MLIP: variants seen among roughly 807,000 people sequenced by gnomAD.
MLIP encodes muscular LMNA-interacting protein.
In MLIP, 79 loss-of-function variants were observed where a neutral mutation model predicts 84.8. The observed-to-expected ratio is 0.93, with a 90% CI of 0.78 to 1.12. MLIP has a LOEUF of 1.12. MLIP is among the 50% of genes most tolerant of loss of function. MLIP has a pLI of 0.00. For synonymous variants in MLIP, 504 were observed against 463.0 expected (o/e 1.09, Z -1.14); for missense variants, 1,257 against 1,160.6 (o/e 1.08, Z -1.21).
At chr6:54,071,396 T>C (rs1766479152) in intron 1 of MLIP, among the ~76,000 whole-genome samples, 1 of 152,124 alleles carries the variant, frequency 6.6e-6, no homozygotes, top group Non-Finnish European at 1.5e-5. Flanking sequence ...TTCAAAAACT[T>C]CCTAAAGAAT....
chr6:54,057,368 C>A (rs1440611027), intron 1 of MLIP, among the ~76,000 whole-genome samples: 1 of 152,162 alleles, frequency 6.6e-6, no homozygotes, highest in Non-Finnish European at 1.5e-5. Context: ...CAAAAATAAA[C>A]CAAACTTGTC....
At chr6:54,234,343 C>T (rs1270412295) in intron 12 of MLIP, among the ~76,000 whole-genome samples, 5 of 151,912 alleles carry the variant, frequency 3.3e-5, no homozygotes, top group Non-Finnish European at 5.9e-5. Context: ...TACGAATATG[C>T]GTAAAAGTGC....
chr6:54,091,249 T>C (rs1767855606), intron 1 of MLIP, among the ~76,000 whole-genome samples: 1 of 152,156 alleles, frequency 6.6e-6, no homozygotes, highest in Non-Finnish European at 1.5e-5. Flanking sequence ...GTATTTCCTA[T>C]AGTGTGTTGT....
rs1771862211 is a variant in MLIP at position 54,137,030 on chromosome 6, G to T, written c.961G>T (p.Gly321Ter). The T allele has an allele frequency of 6.5e-7, 1 of 1,535,918 alleles. No homozygotes were observed. Residue 321 changes from glycine to a stop codon, truncating the protein, a stop_gained, in exon 4 of 14, where the codon GGA (glycine) becomes TGA (stop). Transcript: ENST00000502396. LOFTEE classifies it high-confidence loss of function. The stretch of plus-strand genomic sequence containing the variant: ...TTCAACTGCAGCAGATCCAAAGCCT[G>T]GACTGACCTCTGAAGTTCTCAAGAA... The part of the protein sequence containing the change: ...PSSTAADPKP[G>*]LTSEVLKKTT...
chr6:54,019,047 G>C lies in MLIP; in HGVS notation c.19G>C (p.Glu7Gln), dbSNP rs973371949. ...TTTCAATATGGAACTTGAAAAGCGT[G>C]AAAAAAGAAGCTTATTAAACAAGAA... The change falls in exon 1 of 13, where the codon GAA becomes CAA. Residue 7 changes from glutamate to glutamine, a missense_variant. Transcript: ENST00000274897. 4 of 1,610,962 alleles carry C rather than the reference G, an allele frequency of 2.5e-6. No individual in the cohort carries two copies. The African/African-American group carries it at 5.4e-5, about 22-fold the overall frequency.
In MLIP at chr6:54,160,805, T is replaced by C. The variant is rs746412533; in HGVS notation, c.2499+6T>C. ...TGGGTTCTGACACAGTCAAAGTATG[T>C]ATGTATTTAATATAATTTATGGAAC... On this transcript the variant is annotated splice_donor_region_variant and intron_variant, in intron 8 of 13. Coordinates refer to ENST00000502396, the MANE Select transcript of MLIP (RefSeq NM_001281747.2). 4 of 1,603,192 alleles carry C rather than the reference T, an allele frequency of 2.5e-6. No homozygotes were observed. In the Admixed American group the frequency reaches 6.7e-5, roughly 27 times the overall value.
At chr6:54,154,170 T>C (rs1481550170) in intron 5 of MLIP, among the ~76,000 whole-genome samples, 1 of 152,210 alleles carries the variant, frequency 6.6e-6, no homozygotes, top group African/African-American at 2.4e-5. Flanking sequence ...AAATGTTCAT[T>C]AAATAAATAA....
intron 1 of MLIP, among the ~76,000 whole-genome samples, chr6:54,035,015 G>A (rs1764347469): frequency 6.6e-6 from 1 of 152,112 alleles, no homozygotes; most frequent in East Asian, 1.9e-4. Flanking sequence ...ATTCAGTACA[G>A]TTACATGTTG....
chr6:54,172,708 A>G (rs887622843), intron 9 of MLIP, among the ~76,000 whole-genome samples: 1 of 142,170 alleles, frequency 7.0e-6, no homozygotes, highest in African/African-American at 2.6e-5. Flanking sequence ...ACTTCTCTGG[A>G]AAAAAAAAAA....
chr6:54,104,664 C>T (rs1768883943), intron 1 of MLIP, among the ~76,000 whole-genome samples: 2 of 152,174 alleles, frequency 1.3e-5, no homozygotes, highest in East Asian at 1.9e-4. Flanking sequence ...CTGCTCTCTT[C>T]CCAGCCAAGA....
chr6:54,176,243 T>C (rs569448417), intron 9 of MLIP, among the ~76,000 whole-genome samples: 141 of 151,896 alleles, frequency 9.3e-4, no homozygotes, highest in Non-Finnish European at 1.6e-3. Flanking sequence ...GGTCTCATTA[T>C]AGAATGAGAT....
chr6:54,096,345 G>A (rs1768212112), intron 1 of MLIP, among the ~76,000 whole-genome samples: 1 of 152,166 alleles, frequency 6.6e-6, no homozygotes, highest in Non-Finnish European at 1.5e-5. Context: ...GGAAAGAGAA[G>A]CATAAAATGC....
intron 11 of MLIP, among the ~76,000 whole-genome samples, chr6:54,220,115 C>T (rs1036084933): frequency 1.3e-5 from 2 of 152,086 alleles, no homozygotes; most frequent in Non-Finnish European, 2.9e-5. Flanking sequence ...CCCTGAAAAT[C>T]TACTTGAATT....
intron 12 of MLIP, among the ~76,000 whole-genome samples, chr6:54,245,327 G>A (rs1782005487): frequency 6.6e-6 from 1 of 152,162 alleles, no homozygotes; most frequent in Non-Finnish European, 1.5e-5. Flanking sequence ...TTCAGTTCAA[G>A]GCCAGCCTTG....
upstream of MLIP, among the ~76,000 whole-genome samples, chr6:54,108,851 G>A (rs1561936818): frequency 6.6e-6 from 1 of 151,948 alleles, no homozygotes; most frequent in Non-Finnish European, 1.5e-5. Flanking sequence ...AGAGAGGAAA[G>A]GACAGAATGA....
intron 11 of MLIP, among the ~76,000 whole-genome samples, chr6:54,225,514 T>G (rs558911157): frequency 3.9e-4 from 59 of 152,310 alleles, no homozygotes; most frequent in African/African-American, 1.4e-3. Context: ...ACTATAGTAA[T>G]GCAAGCATAT....
At chr6:54,025,004 A>ATTTTTTT (rs79753738) in intron 1 of MLIP, among the ~76,000 whole-genome samples, 3 of 140,012 alleles carry the variant, frequency 2.1e-5, no homozygotes, top group Non-Finnish European at 1.5e-5. Context: ...TGCCCAGCTA[A>ATTTTTTT]TTTTTTTTTT....
At chr6:54,056,339 G>A (rs181294055) in intron 1 of MLIP, among the ~76,000 whole-genome samples, 32 of 152,292 alleles carry the variant, frequency 2.1e-4, no homozygotes, top group African/African-American at 7.0e-4. Flanking sequence ...AGGCTTGAAC[G>A]TGAAAGGTCA....
At position 54,137,876 on chromosome 6, in the gene MLIP, A is replaced by G. The variant is rs1190581868; in HGVS notation, c.1807A>G (p.Thr603Ala). The change falls in exon 4 of 14, where the codon ACG (threonine) becomes GCG (alanine). Residue 603 changes from threonine to alanine, a missense_variant. Coordinates refer to ENST00000502396, the MANE Select transcript of MLIP (RefSeq NM_001281747.2). ...ATCTCCTCCTATTAATCAAAGAGCTACGTTCTCTTCTTCAGAGAAATGTTT... is the reference window on the plus strand; with the variant it reads ...ATCTCCTCCTATTAATCAAAGAGCTGCGTTCTCTTCTTCAGAGAAATGTTT... Reference protein sequence around the residue: ...SLSPPINQRATFSSSEKCFHP... With the variant: ...SLSPPINQRAAFSSSEKCFHP... The G allele has an allele frequency of 6.5e-6, 10 of 1,535,996 alleles. No individual in the cohort carries two copies. The African/African-American group carries it at 8.2e-5, about 13-fold the overall frequency.
Sources: gnomAD v4.1 joint callset for allele counts (sites outside exome capture counted in the v4.1 genomes callset) on GRCh38, gnomAD v4.1.1 for gene constraint, MANE v1.5 for transcripts, NCBI Gene and HGNC (gene_info 2026-07-23, HGNC 2026-07-21) for gene names.